CTNNA3: variants seen among roughly 807,000 people sequenced by gnomAD.
CTNNA3 encodes catenin alpha-3.
A neutral mutation model predicts 95.7 loss-of-function variants in CTNNA3; 76 were observed. That is an observed-to-expected ratio of 0.79 (90% CI 0.66 to 0.96). The LOEUF (loss-of-function observed/expected upper bound fraction) is 0.96, where lower values mean the gene tolerates loss of function less well. CTNNA3 is among the 40% of genes least tolerant of loss of function. CTNNA3 has a pLI of 0.00. For missense variants in CTNNA3, 1,191 were observed against 1,089.8 expected, an observed-to-expected ratio of 1.09 and a Z score of -1.31; for synonymous variants, 431 against 374.4, an observed-to-expected ratio of 1.15 and a Z score of -1.74.
intron 13 of CTNNA3, among the ~76,000 whole-genome samples, chr10:66,160,037 T>C (rs1314497802): frequency 1.3e-5 from 2 of 152,114 alleles, no homozygotes; most frequent in Non-Finnish European, 2.9e-5. Context: ...CCTCTTTCAT[T>C]TCTCAGTGAG....
intron 3 of CTNNA3, among the ~76,000 whole-genome samples, chr10:67,585,248 A>C (rs915531654): frequency 2.0e-5 from 3 of 152,120 alleles, no homozygotes; most frequent in Admixed American, 6.6e-5. Context: ...GTTTGCTAGA[A>C]TTTTGTTCAG....
chr10:67,004,355 T>G (rs992207198), intron 7 of CTNNA3, among the ~76,000 whole-genome samples: 1 of 152,142 alleles, frequency 6.6e-6, no homozygotes, highest in Non-Finnish European at 1.5e-5. Context: ...AATCAAAAAA[T>G]TAAATGGTAA....
At position 66,470,639 on chromosome 10, in the gene CTNNA3, T is replaced by C. The variant is rs559224856; in HGVS notation, c.1531+49978A>G. Among the ~76,000 whole-genome samples, 32 of 151,694 alleles carry C rather than the reference T, an allele frequency of 2.1e-4. No homozygotes were observed. In the South Asian group the frequency reaches 6.2e-3, roughly 30 times the overall value. On this transcript the variant is annotated intron_variant, in intron 11 of 17. Coordinates refer to ENST00000433211, the MANE Select transcript of CTNNA3 (RefSeq NM_013266.4). ...TAGACTAATAAAGAAAAAGGAAGAATATATTAGAGTTGGACAAGCCAGCAA... is the reference window on the plus strand; with the variant it reads ...TAGACTAATAAAGAAAAAGGAAGAACATATTAGAGTTGGACAAGCCAGCAA...
chr10:66,090,527 C>T (rs2081173745), intron 14 of CTNNA3, among the ~76,000 whole-genome samples: 1 of 151,946 alleles, frequency 6.6e-6, no homozygotes, highest in South Asian at 2.1e-4. Context: ...AATAAGTAAG[C>T]AAAACACAGA....
chr10:66,829,411 C>T (rs1387307865), intron 7 of CTNNA3, among the ~76,000 whole-genome samples: 1 of 151,964 alleles, frequency 6.6e-6, no homozygotes, highest in Non-Finnish European at 1.5e-5. Flanking sequence ...AGGAGTGAGA[C>T]CAGCCTGACC....
intron 10 of CTNNA3, among the ~76,000 whole-genome samples, chr10:66,579,402 G>A (rs1564545890): frequency 6.6e-6 from 1 of 151,780 alleles, no homozygotes; most frequent in Non-Finnish European, 1.5e-5. Flanking sequence ...AATGCAAACT[G>A]ACGTGTGACT....
chr10:67,250,975 C>T (rs1191248597), intron 5 of CTNNA3, among the ~76,000 whole-genome samples: 1 of 152,176 alleles, frequency 6.6e-6, no homozygotes, highest in East Asian at 1.9e-4. Context: ...TAATTCCTCT[C>T]TTCAGTATGA....
Position 66,875,102 on chromosome 10 carries a change from C to T in CTNNA3, c.1048-99578G>A, listed in dbSNP as rs79688737. Among the ~76,000 whole-genome samples the T allele has an allele frequency of 7.6e-3, 1,156 of 152,020 alleles. 10 individuals are homozygous for T. The highest frequency in any genetic ancestry group is 0.025 in the African/African-American group (1,029 of 41,468). On this transcript the variant is annotated intron_variant, in intron 7 of 17. Transcript: ENST00000433211. ...ATTGCTAGACAAGTGGTGCTGATGA[C>T]GAATTTGGAAGGTAATAAGGATAGG...
intron 13 of CTNNA3, among the ~76,000 whole-genome samples, chr10:66,121,019 C>T (rs2082550448): frequency 6.6e-6 from 1 of 152,134 alleles, no homozygotes; most frequent in Non-Finnish European, 1.5e-5. Context: ...TCCGTGATGT[C>T]CTTTTCCATG....
chr10:67,175,757 A>G (rs1348380891), intron 7 of CTNNA3, among the ~76,000 whole-genome samples: 2 of 152,282 alleles, frequency 1.3e-5, no homozygotes, highest in South Asian at 2.1e-4. Context: ...CCCAACTACA[A>G]CAATATGATT....
intron 9 of CTNNA3, among the ~76,000 whole-genome samples, chr10:66,707,286 G>C (rs1848148768): frequency 6.6e-6 from 1 of 151,986 alleles, no homozygotes; most frequent in Non-Finnish European, 1.5e-5. Flanking sequence ...CACCCACTTT[G>C]TGCACAATGT....
rs961277009 is a variant in CTNNA3, at chr10:66,277,080, C to A, written c.1884+3390G>T. 7.9e-5 allele frequency among the ~76,000 whole-genome samples: 12 copies of A among 152,026 alleles called. 1 individual carries two copies. Among genetic ancestry groups the A allele is most frequent in the African/African-American group, 2.9e-4 (12 of 41,408 alleles). On this transcript the variant is annotated intron_variant, in intron 13 of 17. Transcript: ENST00000433211. The stretch of plus-strand genomic sequence containing the variant: ...CTAAGTATGATAGTCTATAACCTCA[C>A]TTGTCTACACACTGAGTCCAGTGGA...
chr10:67,533,217 G>A (rs562420039), intron 4 of CTNNA3, among the ~76,000 whole-genome samples: 4 of 152,046 alleles, frequency 2.6e-5, no homozygotes, highest in South Asian at 2.1e-4. Flanking sequence ...CCAGCTACTC[G>A]GGAGGCTGAG....
At chr10:67,482,422 C>T (rs1170040846) in intron 5 of CTNNA3, among the ~76,000 whole-genome samples, 19 of 152,152 alleles carry the variant, frequency 1.2e-4, no homozygotes, top group African/African-American at 4.6e-4. Context: ...TCTTTTATTT[C>T]ATTGAGCAGT....
chr10:66,672,623 C>A (rs895002324), intron 9 of CTNNA3, among the ~76,000 whole-genome samples: 3 of 152,064 alleles, frequency 2.0e-5, no homozygotes, highest in Non-Finnish European at 2.9e-5. Context: ...CACAGTGTCT[C>A]TGGTTCCTAC....
intron 13 of CTNNA3, among the ~76,000 whole-genome samples, chr10:66,118,837 C>G (rs1449541928): frequency 6.6e-6 from 1 of 152,238 alleles, no homozygotes; most frequent in Admixed American, 6.5e-5. Context: ...AACCAAGCAT[C>G]AGCTTGGTTT....
intron 13 of CTNNA3, among the ~76,000 whole-genome samples, chr10:66,201,075 C>T (rs1333189589): frequency 6.6e-6 from 1 of 152,152 alleles, no homozygotes; most frequent in African/African-American, 2.4e-5. Flanking sequence ...TCTCCATCTC[C>T]AAAATCTATA....
intron 5 of CTNNA3, among the ~76,000 whole-genome samples, chr10:67,379,813 A>C (rs1289221337): frequency 6.6e-6 from 1 of 151,980 alleles, no homozygotes; most frequent in Non-Finnish European, 1.5e-5. Flanking sequence ...CGAGGTCAGG[A>C]GATCGAGAGC....
intron 3 of CTNNA3, among the ~76,000 whole-genome samples, chr10:67,596,696 T>A (rs117831189): frequency 6.6e-6 from 1 of 152,220 alleles, no homozygotes; most frequent in Non-Finnish European, 1.5e-5. Flanking sequence ...TAGATGCCTA[T>A]AGTACTATTT....
Sources: gnomAD v4.1 joint callset for allele counts (sites outside exome capture counted in the v4.1 genomes callset) on GRCh38, gnomAD v4.1.1 for gene constraint, MANE v1.5 for transcripts, NCBI Gene and HGNC (gene_info 2026-07-23, HGNC 2026-07-21) for gene names.